Variants in DNAH11 observed in about 807,000 individuals in gnomAD.
DNAH11 encodes the protein axonemal beta dynein heavy chain 11.
DNAH11 carries 442 observed loss-of-function variants against 526.0 expected under a neutral mutation model. The observed-to-expected ratio is 0.84, with a 90% CI of 0.78 to 0.91. The LOEUF (loss-of-function observed/expected upper bound fraction) is 0.91. Among genes scored for constraint, DNAH11 ranks in the 40% least tolerant of loss-of-function variants. The pLI is 0.00. For synonymous variants in DNAH11, 2,461 were observed against 1,935.9 expected, an observed-to-expected ratio of 1.27 and a Z score of -7.12; for missense variants, 6,989 against 5,448.7, an observed-to-expected ratio of 1.28 and a Z score of -8.90.
intron 18 of DNAH11, 116 bp downstream of exon 18, chr7:21,601,734 G>A: frequency 1.4e-6 from 1 of 707,544 alleles, no homozygotes; most frequent in Non-Finnish European, 2.0e-6. Context: ...GTACACATTT[G>A]ATGTTTTCAA....
At chr7:21,749,854 G>C (rs1436582280) in intron 53 of DNAH11, 53 bp downstream of exon 53, 11 of 1,606,340 alleles carry the variant, frequency 6.8e-6, no homozygotes, top group Non-Finnish European at 9.4e-6. Flanking sequence ...CAAATTATCT[G>C]TAGTTTCAGT....
chr7:21,708,067 G>A (rs917211229), intron 40 of DNAH11, among the ~76,000 whole-genome samples: 4 of 152,130 alleles, frequency 2.6e-5, no homozygotes, highest in African/African-American at 7.2e-5. Flanking sequence ...TTTATCCCAC[G>A]TCAATTATGT....
chr7:21,898,998 T>C (rs1012590410), intron 79 of DNAH11, among the ~76,000 whole-genome samples: 1 of 151,608 alleles, frequency 6.6e-6, no homozygotes, highest in Admixed American at 6.5e-5. Context: ...AAGTTGGCGC[T>C]TGTCAGTCCA....
chr7:21,816,295 A>G (rs547782444), intron 63 of DNAH11, among the ~76,000 whole-genome samples, 172 bp from the exon 64 acceptor site: 2 of 152,322 alleles, frequency 1.3e-5, no homozygotes, highest in East Asian at 3.9e-4. Flanking sequence ...TACTGGATTT[A>G]TCAAGTCAAA....
chr7:21,874,508 G>T (rs1475105145), intron 74 of DNAH11, among the ~76,000 whole-genome samples: 1 of 151,782 alleles, frequency 6.6e-6, no homozygotes, highest in Non-Finnish European at 1.5e-5. Flanking sequence ...GCTAACTTTT[G>T]TATTTTTAGT....
chr7:21,886,801 G>A (rs1043420790), intron 76 of DNAH11, among the ~76,000 whole-genome samples: 2 of 152,196 alleles, frequency 1.3e-5, no homozygotes, highest in Non-Finnish European at 2.9e-5. Flanking sequence ...GGGCATCAGT[G>A]ATGTGTGTAA....
intron 59 of DNAH11, 63 bp from the exon 60 acceptor site, chr7:21,787,338 T>G (rs1441945602): frequency 6.6e-7 from 1 of 1,510,974 alleles, no homozygotes; most frequent in East Asian, 2.3e-5. Flanking sequence ...TTTTAACTTT[T>G]GATCTTGGAA....
intron 61 of DNAH11, among the ~76,000 whole-genome samples, chr7:21,791,676 C>T (rs955413386): frequency 6.6e-5 from 10 of 152,262 alleles, no homozygotes; most frequent in Admixed American, 3.9e-4. Flanking sequence ...TTCCATCATT[C>T]CCACCTATGA....
Position 21,899,965 on chromosome 7 carries a change from G to C in DNAH11, c.13163-15G>C. 2 of 1,612,404 alleles carry C rather than the reference G, an allele frequency of 1.2e-6. No individual in the cohort carries two copies. The highest frequency in any genetic ancestry group is 2.2e-5 in the South Asian group (2 of 90,882). ...AACACTTTTATCCTATTCAATTTTT[G>C]TTATATTTCCAAAGCAATCATGCAG... is the stretch of plus-strand genomic sequence containing the variant. On this transcript the variant is annotated splice_polypyrimidine_tract_variant and intron_variant, in intron 80 of 81. Transcript: ENST00000409508.
At chr7:21,864,980 T>C (rs553936906) in intron 70 of DNAH11, among the ~76,000 whole-genome samples, 1 of 152,352 alleles carries the variant, frequency 6.6e-6, no homozygotes, top group African/African-American at 2.4e-5. Flanking sequence ...TGTTTTCTTT[T>C]TAAATTTCCT....
At position 21,589,353 on chromosome 7, in the gene DNAH11, G is replaced by T; in HGVS notation, c.2119G>T (p.Val707Phe). 6.2e-7 allele frequency: 1 copy of T among 1,608,740 alleles called. No individual in the cohort carries two copies. Residue 707 changes from valine (V) to phenylalanine (F), a missense_variant, in exon 12 of 82, where the codon GTT (valine) becomes TTT (phenylalanine). Coordinates refer to ENST00000409508, the MANE Select transcript of DNAH11 (RefSeq NM_001277115.2). Reference sequence around the variant, plus strand: ...TGAATTCAATTTGAATCAACCCTTGGTTAAATTCAGTGCCATAAATGGTCT... The same window carrying T: ...TGAATTCAATTTGAATCAACCCTTGTTTAAATTCAGTGCCATAAATGGTCT... The part of the protein sequence containing the change: ...ICEFNLNQPL[V>F]KFSAINGLLC...
chr7:21,722,450 G>A (rs892668648), intron 44 of DNAH11, among the ~76,000 whole-genome samples: 18 of 152,076 alleles, frequency 1.2e-4, no homozygotes, highest in African/African-American at 3.6e-4. Context: ...GAAAGGCATC[G>A]CAGCCAAGAG....
intron 34 of DNAH11, 121 bp downstream of exon 34, chr7:21,687,648 C>A: frequency 1.6e-6 from 2 of 1,279,168 alleles, no homozygotes; most frequent in Non-Finnish European, 2.1e-6. Context: ...AAGGAAGATT[C>A]TGGTCGATTT....
intron 25 of DNAH11, among the ~76,000 whole-genome samples, chr7:21,623,813 T>A (rs1437872191): frequency 8.0e-6 from 1 of 124,462 alleles, no homozygotes; most frequent in African/African-American, 3.1e-5. Flanking sequence ...TGGGGACTGT[T>A]GTGGGGTGGG....
At chr7:21,589,928 G>A (rs1213197388) in intron 12 of DNAH11, among the ~76,000 whole-genome samples, 1 of 152,012 alleles carries the variant, frequency 6.6e-6, no homozygotes, top group African/African-American at 2.4e-5. Flanking sequence ...TTCTTTCAAA[G>A]GGACAATAAG....
chr7:21,779,129 G>A (rs2127982606), intron 57 of DNAH11, 25 bp downstream of exon 57: 1 of 1,601,656 alleles, frequency 6.2e-7, no homozygotes, highest in Non-Finnish European at 8.5e-7. Flanking sequence ...AACATTTAGA[G>A]TGCGGAGCTA....
chr7:21,792,512 G>A (rs1256163952), intron 61 of DNAH11, among the ~76,000 whole-genome samples: 2 of 152,160 alleles, frequency 1.3e-5, no homozygotes, highest in Non-Finnish European at 2.9e-5. Context: ...CAACAGTAAA[G>A]CCATTAGGTC....
intron 37 of DNAH11, 72 bp downstream of exon 37, chr7:21,702,874 G>A: frequency 7.6e-7 from 1 of 1,315,160 alleles, no homozygotes; most frequent in Non-Finnish European, 1.1e-6. Flanking sequence ...GTATATGCCT[G>A]GATGGTGGGG....
intron 30 of DNAH11, among the ~76,000 whole-genome samples, chr7:21,666,832 A>G (rs1562739972): frequency 6.6e-6 from 1 of 151,980 alleles, no homozygotes; most frequent in Non-Finnish European, 1.5e-5. Context: ...AACTCACAAG[A>G]TCATGAGTAG....
Sources: allele counts gnomAD v4.1 joint callset (sites outside exome capture counted in the v4.1 genomes callset), GRCh38; gene constraint gnomAD v4.1.1; transcripts MANE v1.5; gene names NCBI Gene and HGNC (gene_info 2026-07-23, HGNC 2026-07-21).